The following PTN variants were observed in gnomAD, a reference collection of about 807,000 sequenced individuals.
The protein encoded by PTN is pleiotrophin, also known as heparin affin regulatory protein.
In PTN, 18 loss-of-function variants were observed where a neutral mutation model predicts 24.1. That is an observed-to-expected ratio of 0.75 (90% CI 0.52 to 1.11). The LOEUF (loss-of-function observed/expected upper bound fraction) is 1.11. Among genes scored for constraint, PTN ranks in the 50% least tolerant of loss-of-function variants. PTN has a pLI of 0.00. For synonymous variants in PTN, 78 were observed against 68.6 expected (o/e 1.14, Z -0.67); for missense variants, 163 against 198.8 (o/e 0.82, Z 1.08).
chr7:137,275,859 C>G (rs1020940420), intron 1 of PTN, among the ~76,000 whole-genome samples: 1 of 152,188 alleles, frequency 6.6e-6, no homozygotes, highest in African/African-American at 2.4e-5. Flanking sequence ...CATTTTGATA[C>G]ACTTCTGAAA....
chr7:137,338,968 G>A (rs938148015), intron 1 of PTN, among the ~76,000 whole-genome samples: 6 of 152,182 alleles, frequency 3.9e-5, no homozygotes, highest in African/African-American at 1.4e-4. Flanking sequence ...ATTTGGAGAG[G>A]AGAGAGGAAG....
intron 1 of PTN, among the ~76,000 whole-genome samples, chr7:137,259,557 G>A (rs559314931): frequency 6.6e-6 from 1 of 151,816 alleles, no homozygotes; most frequent in Non-Finnish European, 1.5e-5. Flanking sequence ...AGTATTAGTT[G>A]CTGAATAAAA....
intron 1 of PTN, among the ~76,000 whole-genome samples, chr7:137,266,868 CTTTTT>C (rs57274644): frequency 2.4e-4 from 24 of 98,738 alleles, no homozygotes; most frequent in East Asian, 1.9e-3. Context: ...TATAGATGGC[CTTTTT>C]TTTTTTTTTT....
chr7:137,228,159 T>C, intron 4 of PTN, 84 bp from the exon 5 acceptor site: 2 of 850,984 alleles, frequency 2.4e-6, no homozygotes, highest in Non-Finnish European at 1.9e-6. Flanking sequence ...TAGCCACATT[T>C]CTTATAATTG....
intron 1 of PTN, among the ~76,000 whole-genome samples, chr7:137,261,611 G>A (rs1809039589): frequency 1.3e-5 from 2 of 152,100 alleles, no homozygotes; most frequent in Non-Finnish European, 2.9e-5. Flanking sequence ...TAAATAAATA[G>A]GAGAAATGGC....
intron 1 of PTN, among the ~76,000 whole-genome samples, chr7:137,324,282 C>T (rs1267609920): frequency 6.6e-6 from 1 of 151,288 alleles, no homozygotes; most frequent in Non-Finnish European, 1.5e-5. Context: ...ATAGTCTCAG[C>T]TACTCGGAAC....
chr7:137,269,624 ATTTTTTTTTTTT>A (rs869311084), intron 1 of PTN, among the ~76,000 whole-genome samples: 6 of 63,028 alleles, frequency 9.5e-5, no homozygotes, highest in African/African-American at 2.2e-4. Context: ...TGCTTCATCT[ATTTTTTTTTTTT>A]TTTTTTTTTT....
At chr7:137,249,474 C>A (rs193091967) in intron 4 of PTN, among the ~76,000 whole-genome samples, 178 of 152,244 alleles carry the variant, frequency 1.2e-3, no homozygotes, top group African/African-American at 4.1e-3. Context: ...GGGAGTTTTG[C>A]AAGTTCCCAC....
chr7:137,297,195 T>C (rs902569701), intron 1 of PTN, among the ~76,000 whole-genome samples: 4 of 152,260 alleles, frequency 2.6e-5, no homozygotes, highest in Non-Finnish European at 5.9e-5. Context: ...TCATTTTTTT[T>C]CCAAAAAATC....
intron 1 of PTN, among the ~76,000 whole-genome samples, chr7:137,321,440 A>G (rs971395192): frequency 2.6e-5 from 4 of 152,188 alleles, no homozygotes; most frequent in Non-Finnish European, 5.9e-5. Flanking sequence ...AAGGTAATCC[A>G]ATGTCTTTAT....
chr7:137,230,050 T>C (rs777456554), intron 4 of PTN, among the ~76,000 whole-genome samples: 2 of 151,818 alleles, frequency 1.3e-5, no homozygotes, highest in Non-Finnish European at 2.9e-5. Context: ...AGGTCTCCAG[T>C]AGAGTGGATA....
chr7:137,233,274 G>A (rs1004818104), intron 4 of PTN, among the ~76,000 whole-genome samples: 1 of 151,920 alleles, frequency 6.6e-6, no homozygotes, highest in African/African-American at 2.4e-5. Context: ...TCAAATAGAT[G>A]TTTGCCACTT....
At chr7:137,335,691 T>A (rs1810436117) in intron 1 of PTN, among the ~76,000 whole-genome samples, 1 of 152,164 alleles carries the variant, frequency 6.6e-6, no homozygotes, top group Non-Finnish European at 1.5e-5. Context: ...ACCTACTGAA[T>A]TTTGGCAAAG....
At chr7:137,304,511 A>C (rs1309149095) in intron 1 of PTN, among the ~76,000 whole-genome samples, 3 of 152,004 alleles carry the variant, frequency 2.0e-5, no homozygotes, top group Non-Finnish European at 4.4e-5. Context: ...CAGGAGATGA[A>C]GAAGAAAGCT....
intron 4 of PTN, among the ~76,000 whole-genome samples, chr7:137,243,896 C>T (rs1585008747): frequency 6.6e-6 from 1 of 152,226 alleles, no homozygotes; most frequent in African/African-American, 2.4e-5. Flanking sequence ...GATATTTCTC[C>T]CGGATCTGTT....
chr7:137,242,521 T>C (rs1028949878), intron 4 of PTN, among the ~76,000 whole-genome samples: 3 of 152,182 alleles, frequency 2.0e-5, no homozygotes, highest in Non-Finnish European at 2.9e-5. Context: ...CTTTTCCAGA[T>C]AAACTTGGTA....
At chr7:137,283,575 A>G (rs951773019) in intron 1 of PTN, among the ~76,000 whole-genome samples, 4 of 152,184 alleles carry the variant, frequency 2.6e-5, no homozygotes, top group African/African-American at 9.6e-5. Flanking sequence ...CCAAAACTAG[A>G]ACATTACATG....
chr7:137,309,409 G>A (rs976089200), intron 1 of PTN, among the ~76,000 whole-genome samples: 6 of 152,180 alleles, frequency 3.9e-5, no homozygotes, highest in Admixed American at 2.6e-4. Flanking sequence ...GTTGGTTGCT[G>A]AAGTCTGGGG....
chr7:137,284,264 T>C (rs1367991927), intron 1 of PTN, among the ~76,000 whole-genome samples: 2 of 152,066 alleles, frequency 1.3e-5, no homozygotes, highest in African/African-American at 4.8e-5. Context: ...CCGAGCATCA[T>C]ATTTTATAAT....
Sources: gnomAD v4.1 joint callset for allele counts (sites outside exome capture counted in the v4.1 genomes callset) on GRCh38, gnomAD v4.1.1 for gene constraint, MANE v1.5 for transcripts, NCBI Gene and HGNC (gene_info 2026-07-23, HGNC 2026-07-21) for gene names.